The following IQCJ variants were observed in gnomAD, a reference collection of about 807,000 sequenced individuals.
IQCJ encodes the protein IQ domain-containing protein J.
Under a neutral mutation model 11.0 loss-of-function variants are expected in IQCJ, and 9 were observed. The observed-to-expected ratio is 0.82, with a 90% confidence interval of 0.49 to 1.43. IQCJ has a LOEUF of 1.43. Among genes scored for constraint, IQCJ ranks in the 40% most tolerant of loss-of-function variants. IQCJ has a pLI of 0.00. For synonymous variants in IQCJ, 55 were observed against 51.3 expected (o/e 1.07, Z -0.31); for missense variants, 146 against 133.2 (o/e 1.10, Z -0.47).
At chr3:159,089,741 T>C (rs2108077369) in intron 1 of IQCJ, among the ~76,000 whole-genome samples, 1 of 151,850 alleles carries the variant, frequency 6.6e-6, no homozygotes, top group East Asian at 1.9e-4. Flanking sequence ...ATTCTTTACG[T>C]AGTTCTAGAG....
chr3:159,073,462 A>C (rs944012152), intron 1 of IQCJ, among the ~76,000 whole-genome samples: 1 of 152,094 alleles, frequency 6.6e-6, no homozygotes, highest in Admixed American at 6.6e-5. Flanking sequence ...TCAAGTGCTG[A>C]GTGGGCACCT....
At chr3:159,117,754 A>G (rs1035457966) in intron 1 of IQCJ, among the ~76,000 whole-genome samples, 1 of 152,170 alleles carries the variant, frequency 6.6e-6, no homozygotes, top group African/African-American at 2.4e-5. Flanking sequence ...ACAGTGCTGA[A>G]TAGTAGAGAC....
At chr3:159,227,801 A>G (rs1483436671) in intron 1 of IQCJ, among the ~76,000 whole-genome samples, 1 of 152,234 alleles carries the variant, frequency 6.6e-6, no homozygotes, top group East Asian at 1.9e-4. Flanking sequence ...AGCCTTTCCA[A>G]TACAGGTGAG....
At chr3:159,183,459 C>T (rs1054588944) in intron 1 of IQCJ, among the ~76,000 whole-genome samples, 1 of 152,114 alleles carries the variant, frequency 6.6e-6, no homozygotes, top group Non-Finnish European at 1.5e-5. Context: ...GATCTTATTT[C>T]AGGCCCAAAT....
intron 1 of IQCJ, among the ~76,000 whole-genome samples, chr3:159,093,528 A>T (rs1453140293): frequency 1.3e-5 from 2 of 151,764 alleles, no homozygotes; most frequent in South Asian, 4.1e-4. Context: ...CTCGAAACTG[A>T]TGTCACCATA....
intron 1 of IQCJ, among the ~76,000 whole-genome samples, chr3:159,114,910 T>TTCCTGCCC (rs11282886): frequency 0.03 from 4,579 of 152,266 alleles, 239 homozygotes; most frequent in East Asian, 0.21. Context: ...GTAGTCAGGT[T>TTCCTGCCC]TCCTGCCCCC....
chr3:159,148,094 T>G (rs2108196167), intron 1 of IQCJ, among the ~76,000 whole-genome samples: 1 of 152,368 alleles, frequency 6.6e-6, no homozygotes, highest in South Asian at 2.1e-4. Context: ...GAACTCAAAC[T>G]GGATAGCACC....
At chr3:159,239,294 C>T (rs570622184) in intron 1 of IQCJ, among the ~76,000 whole-genome samples, 1 of 152,228 alleles carries the variant, frequency 6.6e-6, no homozygotes, top group African/African-American at 2.4e-5. Flanking sequence ...AGTCATTGAC[C>T]TTATGTTTAA....
chr3:159,206,676 T>C (rs1724672789), intron 1 of IQCJ, among the ~76,000 whole-genome samples: 1 of 152,232 alleles, frequency 6.6e-6, no homozygotes, highest in South Asian at 2.1e-4. Context: ...GCCTTTTTCA[T>C]GTCTTTTCCC....
intron 1 of IQCJ, among the ~76,000 whole-genome samples, chr3:159,109,540 A>AAAAAAAAC (rs1718488905): frequency 6.6e-6 from 1 of 151,406 alleles, no homozygotes; most frequent in East Asian, 1.9e-4. Flanking sequence ...AAAAAAAAAA[A>AAAAAAAAC]AAAAAACCAG....
At chr3:159,107,970 C>T (rs909427283) in intron 1 of IQCJ, among the ~76,000 whole-genome samples, 7 of 119,982 alleles carry the variant, frequency 5.8e-5, no homozygotes, top group African/African-American at 1.3e-4. Context: ...CCTAGCTGTG[C>T]GAATTGAGAT....
At position 159,253,636 on chromosome 3, in the gene IQCJ, CT is replaced by C. The variant is rs1313547171; in HGVS notation, c.155+830del. On this transcript the variant is annotated intron_variant, in intron 3 of 3. Transcript: ENST00000397832. The stretch of plus-strand genomic sequence containing the variant: ...ACACACACACACACACACACACACA[CT>C]CACACACTCAGTATAACACTCCGAG... Among the ~76,000 whole-genome samples the C allele has an allele frequency of 2.8e-3, 423 of 151,004 alleles. 2 individuals carry two copies. Among genetic ancestry groups the C allele is most frequent in the African/African-American group, 9.9e-3 (408 of 41,128 alleles).
At chr3:159,147,837 G>A (rs1329550788) in intron 1 of IQCJ, among the ~76,000 whole-genome samples, 1 of 152,138 alleles carries the variant, frequency 6.6e-6, no homozygotes. Flanking sequence ...AAAGAGGAAT[G>A]ACAAAGTTTT....
At chr3:159,197,294 G>T (rs1253536092) in intron 1 of IQCJ, among the ~76,000 whole-genome samples, 2 of 152,126 alleles carry the variant, frequency 1.3e-5, no homozygotes, top group Admixed American at 1.3e-4. Context: ...ACCTCCTATT[G>T]ATTCTGCTTC....
chr3:159,116,350 G>T, intron 1 of IQCJ, among the ~76,000 whole-genome samples: 1 of 152,058 alleles, frequency 6.6e-6, no homozygotes, highest in East Asian at 1.9e-4. Context: ...TCTGGTTCAG[G>T]GATATATGGA....
chr3:159,142,519 C>T (rs1720672819), intron 1 of IQCJ, among the ~76,000 whole-genome samples: 2 of 151,982 alleles, frequency 1.3e-5, no homozygotes, highest in Non-Finnish European at 2.9e-5. Flanking sequence ...CAGGTTCAAG[C>T]GATTCTCCTG....
intron 1 of IQCJ, among the ~76,000 whole-genome samples, chr3:159,201,762 C>G (rs561659592): frequency 1.3e-5 from 2 of 151,738 alleles, no homozygotes; most frequent in South Asian, 4.2e-4. Context: ...ATTCACCTGC[C>G]TCAGCCTGAT....
At chr3:159,246,249 CACTAAG>C (rs1376348047) in intron 2 of IQCJ, among the ~76,000 whole-genome samples, 5 of 152,082 alleles carry the variant, frequency 3.3e-5, no homozygotes, top group African/African-American at 9.7e-5. Context: ...GCAAAGCTAA[CACTAAG>C]ACTAACAGAC....
intron 1 of IQCJ, among the ~76,000 whole-genome samples, chr3:159,227,285 ATAAAT>A (rs1250483203): frequency 6.6e-6 from 1 of 152,248 alleles, no homozygotes; most frequent in Non-Finnish European, 1.5e-5. Flanking sequence ...TGCAATTATC[ATAAAT>A]TATTTAGCCA....
Sources: gnomAD v4.1 joint callset for allele counts (sites outside exome capture counted in the v4.1 genomes callset) on GRCh38, gnomAD v4.1.1 for gene constraint, MANE v1.5 for transcripts, NCBI Gene and HGNC (gene_info 2026-07-23, HGNC 2026-07-21) for gene names.